EFCAB8: variants seen among roughly 807,000 people sequenced by gnomAD.
EFCAB8 encodes EF-hand calcium binding domain 8.
EFCAB8 carries 100 observed loss-of-function variants against 116.3 expected under a neutral mutation model. The ratio of observed to expected loss-of-function variants is 0.86; its 90% CI spans 0.73 to 1.02. EFCAB8 has a LOEUF of 1.02. Among genes scored for constraint, EFCAB8 ranks in the 50% least tolerant of loss-of-function variants. EFCAB8 has a pLI of 0.00. For missense variants in EFCAB8, 1,320 were observed against 1,416.9 expected (o/e 0.93, Z 1.10); for synonymous variants, 558 against 567.9 (o/e 0.98, Z 0.25).
chr20:32,899,229 C>CAATAATAATAAT (rs34439877), intron 11 of EFCAB8, among the ~76,000 whole-genome samples: 5 of 146,410 alleles, frequency 3.4e-5, no homozygotes, highest in African/African-American at 1.0e-4. Context: ...ACTAAAAATA[C>CAATAATAATAAT]AATAATAATA....
intron 18 of EFCAB8, 79 bp downstream of exon 18, chr20:32,917,584 G>C: frequency 9.7e-5 from 51 of 528,478 alleles, no homozygotes; most frequent in East Asian, 3.0e-4. Flanking sequence ...GGAGGGTGGG[G>C]AGCACCCTGG....
intron 3 of EFCAB8, among the ~76,000 whole-genome samples, chr20:32,873,882 A>G (rs183660018): frequency 1.3e-5 from 2 of 150,822 alleles, no homozygotes; most frequent in Admixed American, 1.3e-4. Context: ...TGTTGCCATT[A>G]TATACTTTTG....
At chr20:32,950,010 AAAAC>A (rs761338974) in intron 23 of EFCAB8, among the ~76,000 whole-genome samples, 8 of 106,764 alleles carry the variant, frequency 7.5e-5, no homozygotes, top group South Asian at 2.4e-4. Flanking sequence ...AAAAACAAAC[AAAAC>A]AACAAAACAA....
chr20:32,909,754 G>T, intron 14 of EFCAB8, 67 bp from the exon 15 acceptor site: 1 of 818,468 alleles, frequency 1.2e-6, no homozygotes, highest in Non-Finnish European at 1.7e-6. Context: ...AGTTTTTCCC[G>T]GCAGCCCATC....
chr20:32,913,695 T>C (rs1323649648), intron 17 of EFCAB8, among the ~76,000 whole-genome samples: 1 of 123,806 alleles, frequency 8.1e-6, no homozygotes, highest in Non-Finnish European at 1.6e-5. Context: ...CCTCTAGCTG[T>C]GAACCTGTGA....
At chr20:32,876,825 G>A (rs1365630172) in intron 4 of EFCAB8, among the ~76,000 whole-genome samples, 1 of 152,060 alleles carries the variant, frequency 6.6e-6, no homozygotes, top group African/African-American at 2.4e-5. Context: ...AAAATTAAAC[G>A]GGTGTGGTGG....
intron 23 of EFCAB8, among the ~76,000 whole-genome samples, chr20:32,945,602 G>A (rs1259104070): frequency 6.6e-6 from 1 of 152,062 alleles, no homozygotes; most frequent in African/African-American, 2.4e-5. Flanking sequence ...TTTCTTTAGC[G>A]GCAGTTTCTG....
intron 12 of EFCAB8, 34 bp downstream of exon 12, chr20:32,906,663 G>C (rs759296335): frequency 1.4e-6 from 1 of 717,738 alleles, no homozygotes; most frequent in Admixed American, 2.0e-5. Context: ...GAAGCTGCTG[G>C]GGGGAGGGCT....
chr20:32,906,709 G>T, intron 12 of EFCAB8, 80 bp downstream of exon 12: 1 of 719,338 alleles, frequency 1.4e-6, no homozygotes, highest in Non-Finnish European at 2.6e-6. Flanking sequence ...CTCAGGAGAG[G>T]GCTGCACAGC....
chr20:32,891,410 G>A (rs1328919182), intron 7 of EFCAB8, among the ~76,000 whole-genome samples: 2 of 152,090 alleles, frequency 1.3e-5, no homozygotes, highest in Admixed American at 6.6e-5. Flanking sequence ...TAGAGATGGG[G>A]TTTCACCATG....
chr20:32,955,531 C>T (rs1011329253), intron 23 of EFCAB8, among the ~76,000 whole-genome samples: 2 of 152,018 alleles, frequency 1.3e-5, no homozygotes, highest in Admixed American at 6.6e-5. Flanking sequence ...CAGAACAATA[C>T]CCTGTCTCAA....
At chr20:32,933,334 T>C (rs1253659800) in intron 22 of EFCAB8, among the ~76,000 whole-genome samples, 1 of 152,252 alleles carries the variant, frequency 6.6e-6, no homozygotes, top group Non-Finnish European at 1.5e-5. Flanking sequence ...TTTAAAAATT[T>C]TATTGTTTCA....
In EFCAB8 at chr20:32,902,458, C is replaced by A. The variant is rs141873378; in HGVS notation, c.1088+3835C>A. On this transcript the variant is annotated intron_variant, in intron 11 of 26. Coordinates refer to ENST00000400522, the MANE Select transcript of EFCAB8 (RefSeq NM_001143967.2). ...CTGTCTTCAAAAAAAACAAAAGACT[C>A]CATTCAGGTCAGACACGGTGGCTCA... Among the ~76,000 whole-genome samples, 267 of 152,276 alleles carry A rather than the reference C, an allele frequency of 1.8e-3. 1 individual carries two copies. Among genetic ancestry groups the A allele is most frequent in the African/African-American group, 6.2e-3 (256 of 41,558 alleles).
intron 9 of EFCAB8, among the ~76,000 whole-genome samples, chr20:32,896,097 C>T (rs185458184): frequency 1.3e-5 from 2 of 152,304 alleles, no homozygotes; most frequent in East Asian, 3.9e-4. Flanking sequence ...CAAAAAGAGC[C>T]TAGAGTCTCA....
intron 17 of EFCAB8, among the ~76,000 whole-genome samples, chr20:32,914,725 C>T (rs1472972250): frequency 6.6e-6 from 1 of 152,162 alleles, no homozygotes; most frequent in Admixed American, 6.5e-5. Flanking sequence ...ATGAGGGAAA[C>T]TGCCCCCATG....
chr20:32,917,226 G>T, intron 17 of EFCAB8, 75 bp from the exon 18 acceptor site: 1 of 1,202,716 alleles, frequency 8.3e-7, no homozygotes, highest in South Asian at 1.5e-5. Flanking sequence ...AATCCTCAAG[G>T]CTCCAGTGCT....
chr20:32,928,161 CTA>C (rs1278252752), intron 20 of EFCAB8, among the ~76,000 whole-genome samples: 1 of 152,068 alleles, frequency 6.6e-6, no homozygotes, highest in Non-Finnish European at 1.5e-5. Context: ...TTTTTTGACA[CTA>C]TTGTCAATGG....
At chr20:32,892,405 T>G in intron 8 of EFCAB8, 108 bp downstream of exon 8, 1 of 906,044 alleles carries the variant, frequency 1.1e-6, no homozygotes, top group Non-Finnish European at 1.7e-6. Flanking sequence ...CTTGGAAAGA[T>G]CTGGAAATAT....
At chr20:32,943,095 T>C (rs1173072477) in intron 22 of EFCAB8, among the ~76,000 whole-genome samples, 1 of 152,230 alleles carries the variant, frequency 6.6e-6, no homozygotes, top group Non-Finnish European at 1.5e-5. Context: ...AGTTTTATTC[T>C]CTCAGTGTAA....
Sources: gnomAD v4.1 joint callset for allele counts (sites outside exome capture counted in the v4.1 genomes callset) on GRCh38, gnomAD v4.1.1 for gene constraint, MANE v1.5 for transcripts, NCBI Gene and HGNC (gene_info 2026-07-23, HGNC 2026-07-21) for gene names.